ASB3: variants seen among roughly 807,000 people sequenced by gnomAD.
The protein encoded by ASB3 is ankyrin repeat and SOCS box protein 3.
Under a neutral mutation model 54.5 loss-of-function variants are expected in ASB3, and 41 were observed. The ratio of observed to expected loss-of-function variants is 0.75; its 90% CI spans 0.59 to 0.98. The LOEUF is 0.98. ASB3 is among the 50% of genes least tolerant of loss of function. The pLI, the probability that ASB3 is intolerant of heterozygous loss-of-function variation, is 0.00. For missense variants in ASB3, 733 were observed against 620.0 expected (o/e 1.18, Z -1.94); for synonymous variants, 266 against 221.2 (o/e 1.20, Z -1.80).
chr2:53,693,198 C>T (rs927598170), intron 9 of ASB3, among the ~76,000 whole-genome samples: 2 of 152,100 alleles, frequency 1.3e-5, no homozygotes, highest in African/African-American at 4.8e-5. Flanking sequence ...CAAAATAAAT[C>T]TGAAAAAGTA....
intron 3 of ASB3, among the ~76,000 whole-genome samples, chr2:53,737,846 T>A (rs1671730100): frequency 6.6e-6 from 1 of 152,130 alleles, no homozygotes; most frequent in Non-Finnish European, 1.5e-5. Flanking sequence ...CTGAATTTTT[T>A]AAAACACATC....
At chr2:53,727,646 TAAACAAGCAAAC>T (rs1671077887) in intron 5 of ASB3, among the ~76,000 whole-genome samples, 1 of 152,162 alleles carries the variant, frequency 6.6e-6, no homozygotes. Context: ...AATCAATCAA[TAAACAAGCAAAC>T]AAACAAACTT....
intron 3 of ASB3, among the ~76,000 whole-genome samples, chr2:53,748,635 A>G (rs1000293979): frequency 6.6e-6 from 1 of 152,218 alleles, no homozygotes; most frequent in East Asian, 1.9e-4. Flanking sequence ...CCTGAACCTT[A>G]TCAGGAAGAA....
intron 3 of ASB3, among the ~76,000 whole-genome samples, chr2:53,744,778 A>G (rs1337939957): frequency 6.6e-6 from 1 of 152,262 alleles, no homozygotes; most frequent in African/African-American, 2.4e-5. Context: ...AGTGAATCAC[A>G]TGGTGGTTTG....
intron 2 of ASB3, among the ~76,000 whole-genome samples, chr2:53,756,667 G>T (rs1255532145): frequency 6.6e-6 from 1 of 152,154 alleles, no homozygotes; most frequent in Non-Finnish European, 1.5e-5. Flanking sequence ...CCCTCCCATT[G>T]TATGGGAGCT....
chr2:53,676,701 T>C (rs1288034700), intron 9 of ASB3, among the ~76,000 whole-genome samples: 1 of 152,222 alleles, frequency 6.6e-6, no homozygotes, highest in Non-Finnish European at 1.5e-5. Flanking sequence ...TTTCCAGTCC[T>C]GCAAGTTCCA....
intron 8 of ASB3, among the ~76,000 whole-genome samples, chr2:53,699,839 T>G (rs918015611): frequency 6.6e-6 from 1 of 152,158 alleles, no homozygotes; most frequent in Non-Finnish European, 1.5e-5. Context: ...CTCAGATACT[T>G]CAGAAATCAG....
At chr2:53,778,323 T>C (rs1674460519) in intron 1 of ASB3, among the ~76,000 whole-genome samples, 1 of 152,192 alleles carries the variant, frequency 6.6e-6, no homozygotes, top group South Asian at 2.1e-4. Flanking sequence ...ACTATAGTTA[T>C]ATATTTATGA....
intron 1 of ASB3, among the ~76,000 whole-genome samples, chr2:53,784,762 A>G (rs996412062): frequency 4.6e-5 from 7 of 152,028 alleles, no homozygotes; most frequent in African/African-American, 1.7e-4. Flanking sequence ...ATTCAGTATG[A>G]CCTCATCCTT....
chr2:53,707,683 G>A (rs1243268746), intron 7 of ASB3, among the ~76,000 whole-genome samples: 5 of 145,314 alleles, frequency 3.4e-5, no homozygotes, highest in African/African-American at 7.6e-5. Flanking sequence ...AGAGTATGCC[G>A]GGCACAGTGG....
chr2:53,714,535 C>T lies in ASB3; in HGVS notation c.829G>A (p.Gly277Arg), dbSNP rs1248838764. ...TAAACAGGGCTTACTTTGTTTAGCC[C>T]AGTGTCACAGGCCCGGTTAGTAAGT... ...IPLTNRACDT[G>R]LNKVSPVYSA... The change falls in exon 7 of 10, where the codon GGG becomes AGG. Residue 277 changes from glycine (G) to arginine (R), a missense_variant. Physicochemically the swap from Gly to Arg is moderately radical, Grantham distance 125. Coordinates refer to ENST00000263634, the MANE Select transcript of ASB3 (RefSeq NM_016115.5). 1.9e-6 allele frequency: 3 copies of T among 1,614,136 alleles called. No individual in the cohort carries two copies. In the East Asian group the frequency reaches 6.7e-5, roughly 36 times the overall value.
At chr2:53,775,495 G>C (rs1233779167) in intron 1 of ASB3, among the ~76,000 whole-genome samples, 1 of 152,262 alleles carries the variant, frequency 6.6e-6, no homozygotes, top group East Asian at 1.9e-4. Flanking sequence ...TGTTTTTTGA[G>C]ACGGAGTATC....
At chr2:53,683,531 G>A (rs1462881096) in intron 9 of ASB3, among the ~76,000 whole-genome samples, 1 of 151,996 alleles carries the variant, frequency 6.6e-6, no homozygotes, top group East Asian at 1.9e-4. Context: ...CTATTTTTCA[G>A]AATAGTTTCA....
At chr2:53,723,986 TA>T (rs1259465298) in intron 5 of ASB3, among the ~76,000 whole-genome samples, 1 of 151,796 alleles carries the variant, frequency 6.6e-6, no homozygotes, top group Admixed American at 6.6e-5. Flanking sequence ...AAATCCTAGT[TA>T]GAAAAAAAAA....
intron 7 of ASB3, among the ~76,000 whole-genome samples, chr2:53,710,148 T>A (rs558106146): frequency 3.6e-4 from 55 of 152,304 alleles, no homozygotes; most frequent in African/African-American, 6.5e-4. Context: ...CCTGAATCTC[T>A]AACCAACAGA....
intron 3 of ASB3, among the ~76,000 whole-genome samples, chr2:53,734,097 G>C (rs1203615258): frequency 6.6e-6 from 1 of 152,186 alleles, no homozygotes; most frequent in African/African-American, 2.4e-5. Context: ...CCCTCATTCC[G>C]GTAAACCCAC....
At chr2:53,756,635 G>A (rs1252234486) in intron 2 of ASB3, among the ~76,000 whole-genome samples, 1 of 152,116 alleles carries the variant, frequency 6.6e-6, no homozygotes, top group Non-Finnish European at 1.5e-5. Context: ...AGAAAAAAAA[G>A]GCAGGGAACC....
Position 53,742,387 on chromosome 2 carries a change from A to G in ASB3, c.355+8396T>C, listed in dbSNP as rs556704794. Among the ~76,000 whole-genome samples the G allele has an allele frequency of 1.2e-4, 19 of 152,338 alleles. No individual in the cohort carries two copies. In the East Asian group the frequency reaches 1.9e-3, roughly 15 times the overall value. ...AAAGGTACCAGCACAAATCCATACA[A>G]AGATACAAGAATAAAGGAAGAAAAG... On this transcript the variant is annotated intron_variant, in intron 3 of 9. Transcript: ENST00000263634.
rs1428531688 is a variant in ASB3 at position 53,786,940 on chromosome 2, G to A, written c.-133C>T. 7 of 429,176 alleles carry A rather than the reference G, an allele frequency of 1.6e-5. No individual in the cohort carries two copies. Among genetic ancestry groups the A allele is most frequent in the Non-Finnish European group, 2.5e-5 (6 of 241,770 alleles). 26.6% of individuals were successfully genotyped at this position (429,176 alleles called of 1,614,324 possible). A position where few individuals can be genotyped will look rare whatever the true frequency, so the allele number is the denominator to read the frequency against. On this transcript the variant is annotated 5_prime_UTR_variant, in exon 1 of 10. Transcript: ENST00000263634. ...ATGCTGCAGCCGTCCGAAAACGAGAGACGCGCAGGCGACGTCCCGGCCCCC... is the reference window on the plus strand; with the variant it reads ...ATGCTGCAGCCGTCCGAAAACGAGAAACGCGCAGGCGACGTCCCGGCCCCC...
Sources: allele counts gnomAD v4.1 joint callset (sites outside exome capture counted in the v4.1 genomes callset), GRCh38; gene constraint gnomAD v4.1.1; transcripts MANE v1.5; gene names NCBI Gene and HGNC (gene_info 2026-07-23, HGNC 2026-07-21).